JAKMIP1: variants seen among roughly 807,000 people sequenced by gnomAD.
The protein encoded by JAKMIP1 is janus kinase and microtubule interacting protein 1, also known as janus kinase and microtubule-interacting protein 1.
Under a neutral mutation model 113.0 loss-of-function variants are expected in JAKMIP1, and 33 were observed. That is an observed-to-expected ratio of 0.29 (90% CI 0.22 to 0.39). JAKMIP1 has a LOEUF of 0.39. JAKMIP1 is among the 10% of genes least tolerant of loss of function. The pLI is 1.00. For synonymous variants in JAKMIP1, 480 were observed against 459.9 expected, an observed-to-expected ratio of 1.04 and a Z score of -0.56; for missense variants, 813 against 1,080.5, an observed-to-expected ratio of 0.75 and a Z score of 3.47.
intron 16 of JAKMIP1, among the ~76,000 whole-genome samples, chr4:6,043,197 T>A (rs970226742): frequency 5.9e-5 from 9 of 151,886 alleles, no homozygotes; most frequent in African/African-American, 2.2e-4. Flanking sequence ...AGCGCCCTCT[T>A]TCCCGACCCC....
chr4:6,199,865 C>T lies in JAKMIP1; in HGVS notation c.-148+388G>A, dbSNP rs1263831120. Among the ~76,000 whole-genome samples the T allele has an allele frequency of 6.8e-6, 1 of 148,056 alleles. No individual in the cohort carries two copies. The highest frequency in any genetic ancestry group is 1.5e-5 in the Non-Finnish European group (1 of 66,916). ...CCCCCCGCGCCACTCCGGCAGGCAC[C>T]GGGTGGGTCCCCCTCCCGCTCCTTG... is the stretch of plus-strand genomic sequence containing the variant. On this transcript the variant is annotated intron_variant, in intron 1 of 20. Transcript: ENST00000409021. The surrounding 1 kb of genome is among the most constrained non-coding windows in gnomAD (Gnocchi z 5.6).
chr4:6,063,004 T>C (rs1361700213), intron 9 of JAKMIP1, among the ~76,000 whole-genome samples: 2 of 152,190 alleles, frequency 1.3e-5, no homozygotes, highest in African/African-American at 2.4e-5. Context: ...TAGCTGGTTA[T>C]GGTGGTGGGC....
At chr4:6,163,054 T>C (rs1445198562) in intron 1 of JAKMIP1, among the ~76,000 whole-genome samples, 2 of 152,210 alleles carry the variant, frequency 1.3e-5, no homozygotes, top group East Asian at 3.8e-4. Flanking sequence ...AGAAAACAGC[T>C]GTACCCATGA....
rs1460587796 is a variant in JAKMIP1 at position 6,141,722 on chromosome 4, C to A, written c.-147-28725G>T. On this transcript the variant is annotated intron_variant, in intron 1 of 20. Transcript: ENST00000409021. This position sits in a 1 kb window ranked among gnomAD's most constrained non-coding sequence, Gnocchi z 9.4. ...AGGTGGAGAAATGCAAGAGCTATTT[C>A]TGCACCAAATGGAAAGTGGCCCCAG... Among the ~76,000 whole-genome samples, 4 of 152,192 alleles carry A rather than the reference C, an allele frequency of 2.6e-5. No homozygotes were observed. Among genetic ancestry groups the A allele is most frequent in the Admixed American group, 1.3e-4 (2 of 15,284 alleles).
Position 6,184,804 on chromosome 4 carries a change from G to A in JAKMIP1, c.-148+15449C>T, listed in dbSNP as rs983810171. ...GAAAGTATTGTTCCTGAGTGTGTCT[G>A]TGAGGATCTTACCAAAGGAGATTCA... On this transcript the variant is annotated intron_variant, in intron 1 of 20. Transcript: ENST00000409021. The surrounding 1 kb of genome is among the most constrained non-coding windows in gnomAD (Gnocchi z 4.5). Among the ~76,000 whole-genome samples, 10 of 152,344 alleles carry A rather than the reference G, an allele frequency of 6.6e-5. No individual in the cohort carries two copies. The Middle Eastern group carries it at 0.01, about 155-fold the overall frequency.
At chr4:6,124,196 G>A (rs944006624) in intron 1 of JAKMIP1, among the ~76,000 whole-genome samples, 1 of 152,212 alleles carries the variant, frequency 6.6e-6, no homozygotes, top group Non-Finnish European at 1.5e-5. Flanking sequence ...GGCACCACGT[G>A]GAACGAGGGC....
At chr4:6,030,559 C>T (rs1560620487) in intron 19 of JAKMIP1, among the ~76,000 whole-genome samples, 1 of 152,200 alleles carries the variant, frequency 6.6e-6, no homozygotes, top group Non-Finnish European at 1.5e-5. Context: ...TCTTCATGTG[C>T]TCACAGGGCT....
At chr4:6,052,791 AG>A (rs1715830073) in intron 13 of JAKMIP1, among the ~76,000 whole-genome samples, 1 of 152,150 alleles carries the variant, frequency 6.6e-6, no homozygotes, top group Non-Finnish European at 1.5e-5. Flanking sequence ...GATTTGTGAA[AG>A]GTTCTCTAAC....
intron 3 of JAKMIP1, among the ~76,000 whole-genome samples, chr4:6,092,796 C>T (rs1387163997): frequency 6.6e-6 from 1 of 152,120 alleles, no homozygotes; most frequent in Non-Finnish European, 1.5e-5. Context: ...GGAAATCATT[C>T]CCCCAGATTC....
Position 6,097,162 on chromosome 4 carries a change from C to T in JAKMIP1, c.624+8311G>A, listed in dbSNP as rs768637843. Among the ~76,000 whole-genome samples the T allele has an allele frequency of 4.6e-5, 7 of 152,048 alleles. No individual in the cohort carries two copies. Among genetic ancestry groups the T allele is most frequent in the Non-Finnish European group, 7.4e-5 (5 of 68,014 alleles). On this transcript the variant is annotated intron_variant, in intron 3 of 20. Coordinates refer to ENST00000409021, the MANE Select transcript of JAKMIP1 (RefSeq NM_001099433.2). This position sits in a 1 kb window ranked among gnomAD's most constrained non-coding sequence, Gnocchi z 4.3. The stretch of plus-strand genomic sequence containing the variant: ...GACTACAGGGGTATGCCACCATGTC[C>T]GGCTAATTTTTAAATTTTTTGTAGA...
In JAKMIP1 at chr4:6,194,818, C is replaced by T. The variant is rs969005348; in HGVS notation, c.-148+5435G>A. 6.6e-6 allele frequency among the ~76,000 whole-genome samples: 1 copy of T among 152,164 alleles called. No homozygotes were observed. The highest frequency in any genetic ancestry group is 1.5e-5 in the Non-Finnish European group (1 of 68,046). On this transcript the variant is annotated intron_variant, in intron 1 of 20. Transcript: ENST00000409021. This position sits in a 1 kb window ranked among gnomAD's most constrained non-coding sequence, Gnocchi z 7.4. ...GACAGGAGAGCAGGCAGCCTGTACC[C>T]AGGTCCTCCCAGGCCAGTTGGGAGT... is the stretch of plus-strand genomic sequence containing the variant.
rs576951390 is a variant in JAKMIP1, at chr4:6,086,211, A to G, written c.625-582T>C. 5.9e-5 allele frequency among the ~76,000 whole-genome samples: 9 copies of G among 152,146 alleles called. No homozygotes were observed. In the East Asian group the frequency reaches 1.6e-3, roughly 26 times the overall value. ...CCCAAGGCCACTTCCCATGGTTTCTATCTTCTTTATAGACTGTCTTGCTCT... is the reference window on the plus strand; with the variant it reads ...CCCAAGGCCACTTCCCATGGTTTCTGTCTTCTTTATAGACTGTCTTGCTCT... On this transcript the variant is annotated intron_variant, in intron 3 of 20. Coordinates refer to ENST00000409021, the MANE Select transcript of JAKMIP1 (RefSeq NM_001099433.2). The surrounding 1 kb of genome is among the most constrained non-coding windows in gnomAD (Gnocchi z 4.1).
chr4:6,134,641 G>A (rs375183357), intron 1 of JAKMIP1, among the ~76,000 whole-genome samples: 21 of 152,270 alleles, frequency 1.4e-4, no homozygotes, highest in South Asian at 2.1e-4. Flanking sequence ...CACCAGACTC[G>A]GTGCCCATGA....
chr4:6,092,167 C>T (rs1722142938), intron 3 of JAKMIP1, among the ~76,000 whole-genome samples: 1 of 152,212 alleles, frequency 6.6e-6, no homozygotes, highest in Non-Finnish European at 1.5e-5. Context: ...GTCCCGCCCC[C>T]TCCCTCCCAG....
rs73075488 is a variant in JAKMIP1 at position 6,167,662 on chromosome 4, G to A, written c.-148+32591C>T. ...CCCTAACCACAGACTTCCATGGGCC[G>A]GGCACTGAGCTTAGAGTGACACGTG... On this transcript the variant is annotated intron_variant, in intron 1 of 20. Coordinates refer to ENST00000409021, the MANE Select transcript of JAKMIP1 (RefSeq NM_001099433.2). The surrounding 1 kb of genome is among the most constrained non-coding windows in gnomAD (Gnocchi z 5.3). Among the ~76,000 whole-genome samples, 3,206 of 152,186 alleles carry A rather than the reference G, an allele frequency of 0.021. 108 individuals carry two copies. The highest frequency in any genetic ancestry group is 0.067 in the African/African-American group (2,790 of 41,510).
At chr4:6,098,615 GAA>G (rs1295946479) in intron 3 of JAKMIP1, among the ~76,000 whole-genome samples, 4 of 123,744 alleles carry the variant, frequency 3.2e-5, no homozygotes, top group African/African-American at 1.2e-4. Flanking sequence ...AGAAAAGAAA[GAA>G]AAAGAAAAAG....
chr4:6,132,384 G>A (rs985178791), intron 1 of JAKMIP1, among the ~76,000 whole-genome samples: 1 of 152,340 alleles, frequency 6.6e-6, no homozygotes, highest in African/African-American at 2.4e-5. Context: ...GCTCACACCT[G>A]TAATCCTAGC....
chr4:6,197,655 T>C lies in JAKMIP1; in HGVS notation c.-148+2598A>G, dbSNP rs945923198. Among the ~76,000 whole-genome samples, 17 of 152,178 alleles carry C rather than the reference T, an allele frequency of 1.1e-4. No individual in the cohort carries two copies. Among genetic ancestry groups the C allele is most frequent in the Admixed American group, 8.5e-4 (13 of 15,284 alleles). On this transcript the variant is annotated intron_variant, in intron 1 of 20. Transcript: ENST00000409021. The surrounding 1 kb of genome is among the most constrained non-coding windows in gnomAD (Gnocchi z 6.5). ...GTGACCCAGCAGAACTGGGACACACTGCAGTCATCCTCAGACTCCCCAAGG... is the reference window on the plus strand; with the variant it reads ...GTGACCCAGCAGAACTGGGACACACCGCAGTCATCCTCAGACTCCCCAAGG...
chr4:6,042,017 C>T lies in JAKMIP1; in HGVS notation c.2097+142G>A. ...AGAGTAAGTAAATGGGTGACAATTA[C>T]TTAGAACAACCACTGGGGCAAAAGC... On this transcript the variant is annotated intron_variant, in intron 17 of 20. Transcript: ENST00000409021. This position sits in a 1 kb window ranked among gnomAD's most constrained non-coding sequence, Gnocchi z 5.2. The T allele has an allele frequency of 1.5e-6, 1 of 654,546 alleles. No homozygotes were observed. Among genetic ancestry groups the T allele is most frequent in the Non-Finnish European group, 2.7e-6 (1 of 368,138 alleles). The allele number at this position is 654,546 out of a possible 1,614,324, so 40.5% of individuals were successfully genotyped here.
Sources: allele counts gnomAD v4.1 joint callset (sites outside exome capture counted in the v4.1 genomes callset), GRCh38; gene constraint gnomAD v4.1.1; non-coding constraint Gnocchi (gnomAD v3.1); transcripts MANE v1.5; gene names NCBI Gene and HGNC (gene_info 2026-07-23, HGNC 2026-07-21).